PSMD1: variants seen among roughly 807,000 people sequenced by gnomAD.
The protein encoded by PSMD1 is proteasome 26S subunit, non-ATPase 1, also known as 26S proteasome non-ATPase regulatory subunit 1.
Under a neutral mutation model 119.0 loss-of-function variants are expected in PSMD1, and 18 were observed. That is an observed-to-expected ratio of 0.15 (90% CI 0.10 to 0.22). PSMD1 has a LOEUF of 0.22. Ranked by LOEUF, PSMD1 falls within the 10% of genes least tolerant of loss-of-function variation. The pLI is 1.00. For synonymous variants in PSMD1, 374 were observed against 396.6 expected (o/e 0.94, Z 0.68); for missense variants, 702 against 1,158.5 (o/e 0.61, Z 5.72).
chr2:231,109,143 G>T (rs1297219758), intron 16 of PSMD1: 1 of 1,614,130 alleles, frequency 6.2e-7, no homozygotes, highest in South Asian at 1.1e-5. Context: ...GACGAGCAAG[G>T]TGTTTCATCC....
At chr2:231,062,177 C>T in intron 2 of PSMD1, 71 bp from the exon 3 acceptor site, 1 of 1,008,882 alleles carries the variant, frequency 9.9e-7, no homozygotes, top group Non-Finnish European at 1.5e-6. Context: ...CATTGATTTG[C>T]TGAAAAGAAT....
At chr2:231,145,877 G>C (rs1696239544) in intron 17 of PSMD1, among the ~76,000 whole-genome samples, 1 of 103,658 alleles carries the variant, frequency 9.6e-6, no homozygotes, top group Non-Finnish European at 1.7e-5. Context: ...TGGGTGACAA[G>C]AGTTGAAGCT....
chr2:231,132,606 C>T (rs1037002022), intron 16 of PSMD1, among the ~76,000 whole-genome samples: 1 of 152,008 alleles, frequency 6.6e-6, no homozygotes, highest in Admixed American at 6.6e-5. Flanking sequence ...ACCACTCCAC[C>T]GACTCTCCCC....
rs777756971 is a variant in PSMD1 at position 231,077,089 on chromosome 2, T to C, written c.998T>C (p.Met333Thr). The change falls in exon 9 of 25, where the codon ATG (methionine) becomes ACG (threonine). Residue 333 changes from methionine to threonine, a missense_variant. Transcript: ENST00000308696. ...LKMIKILSGE[M>T]AIELHLQFLI... is the part of the protein sequence containing the mutation. The stretch of plus-strand genomic sequence containing the variant: ...ATGATTAAAATTTTAAGTGGTGAAA[T>C]GGCTATTGAGTTACATCTGCAGTTC... 4 of 1,604,990 alleles carry C rather than the reference T, an allele frequency of 2.5e-6. No homozygotes were observed. The highest frequency in any genetic ancestry group is 2.6e-6 in the Non-Finnish European group (3 of 1,174,164).
chr2:231,172,280 A>G (rs747833352), intron 24 of PSMD1, among the ~76,000 whole-genome samples: 2 of 152,294 alleles, frequency 1.3e-5, no homozygotes, highest in East Asian at 3.9e-4. Flanking sequence ...CTTTCAAGGC[A>G]GTTAATTACA....
rs113048445 is a variant in PSMD1 at position 231,058,912 on chromosome 2, A to C, written c.16+1871A>C. Among the ~76,000 whole-genome samples, 1,266 of 152,088 alleles carry C rather than the reference A, an allele frequency of 8.3e-3. 26 individuals carry two copies. The highest frequency in any genetic ancestry group is 0.029 in the African/African-American group (1,220 of 41,440). Reference sequence around the variant, plus strand: ...AACACGCTTACTCTCCCTCCACCACAGCTCTGTAATTGCCTTGTTTGTTTA... The same window carrying C: ...AACACGCTTACTCTCCCTCCACCACCGCTCTGTAATTGCCTTGTTTGTTTA... On this transcript the variant is annotated intron_variant, in intron 1 of 24. Transcript: ENST00000308696.
At chr2:231,133,088 T>G (rs1205426861) in intron 16 of PSMD1, among the ~76,000 whole-genome samples, 1 of 152,216 alleles carries the variant, frequency 6.6e-6, no homozygotes, top group Non-Finnish European at 1.5e-5. Flanking sequence ...CAATAGGCAC[T>G]TAGAATTTCA....
intron 16 of PSMD1, among the ~76,000 whole-genome samples, chr2:231,127,712 A>T (rs946373578): frequency 1.3e-5 from 2 of 152,236 alleles, no homozygotes; most frequent in Non-Finnish European, 1.5e-5. Flanking sequence ...ACTTCTGTGT[A>T]CTTAAGAAAA....
intron 16 of PSMD1, chr2:231,123,896 TAA>T: frequency 3.5e-6 from 2 of 564,836 alleles, no homozygotes; most frequent in Non-Finnish European, 6.4e-6. Context: ...CACCTTCCTT[TAA>T]AAAAAAAAAT....
At chr2:231,117,184 A>G (rs1464013851) in intron 16 of PSMD1, among the ~76,000 whole-genome samples, 1 of 152,084 alleles carries the variant, frequency 6.6e-6, no homozygotes, top group Non-Finnish European at 1.5e-5. Context: ...TTAAGTTGGT[A>G]TGGTGAAATA....
At chr2:231,072,835 A>T (rs1694072446) in intron 7 of PSMD1, among the ~76,000 whole-genome samples, 1 of 152,144 alleles carries the variant, frequency 6.6e-6, no homozygotes, top group Admixed American at 6.5e-5. Context: ...TAGTATTAGA[A>T]ATTTGCATTC....
rs775379162 is a variant in PSMD1, at chr2:231,078,643, G to A, written c.1072-16G>A. ...ACTTTGCCAGTGATGAAACAATTCT[G>A]TATTTGTTGTTGCAGGATGCAGTAC... is the stretch of plus-strand genomic sequence containing the variant. On this transcript the variant is annotated splice_polypyrimidine_tract_variant and intron_variant, in intron 9 of 24. Transcript: ENST00000308696. 1.9e-6 allele frequency: 3 copies of A among 1,588,646 alleles called. No individual in the cohort carries two copies. The highest frequency in any genetic ancestry group is 2.7e-5 in the African/African-American group (2 of 73,488).
intron 1 of PSMD1, among the ~76,000 whole-genome samples, chr2:231,059,346 G>A (rs1258889974): frequency 5.3e-5 from 8 of 152,132 alleles, no homozygotes; most frequent in Admixed American, 5.2e-4. Context: ...TGCTAAACAG[G>A]CTAGTCTCAT....
At chr2:231,151,211 T>C (rs1043314200) in intron 18 of PSMD1, among the ~76,000 whole-genome samples, 1 of 152,092 alleles carries the variant, frequency 6.6e-6, no homozygotes, top group African/African-American at 2.4e-5. Flanking sequence ...TTCATAACAA[T>C]GAAATTGAGT....
At chr2:231,086,299 C>T (rs1265792958) in intron 15 of PSMD1, among the ~76,000 whole-genome samples, 1 of 152,198 alleles carries the variant, frequency 6.6e-6, no homozygotes, top group Non-Finnish European at 1.5e-5. Flanking sequence ...CTGTTTTGGC[C>T]TCTCAAAAGT....
chr2:231,116,292 A>G (rs1001307534), intron 16 of PSMD1, among the ~76,000 whole-genome samples: 1 of 152,154 alleles, frequency 6.6e-6, no homozygotes, highest in Non-Finnish European at 1.5e-5. Flanking sequence ...TTCTAGATTT[A>G]GGACTGTAAG....
At chr2:231,136,937 ATATATAT>A (rs1695979505) in intron 16 of PSMD1, among the ~76,000 whole-genome samples, 1 of 144,870 alleles carries the variant, frequency 6.9e-6, no homozygotes, top group Non-Finnish European at 1.5e-5. Flanking sequence ...TATATATATA[ATATATAT>A]TATATTTACA....
intron 19 of PSMD1, among the ~76,000 whole-genome samples, chr2:231,157,332 TA>T (rs1282701861): frequency 6.6e-6 from 1 of 151,276 alleles, no homozygotes; most frequent in Non-Finnish European, 1.5e-5. Context: ...TAGGGGAGGA[TA>T]ATTCTATGTT....
chr2:231,086,249 G>T (rs932469734), intron 15 of PSMD1, among the ~76,000 whole-genome samples: 2 of 152,118 alleles, frequency 1.3e-5, no homozygotes, highest in African/African-American at 4.8e-5. Context: ...TCGCTGTGTT[G>T]CCTAGGCAGA....
Sources: gnomAD v4.1 joint callset for allele counts (sites outside exome capture counted in the v4.1 genomes callset) on GRCh38, gnomAD v4.1.1 for gene constraint, MANE v1.5 for transcripts, NCBI Gene and HGNC (gene_info 2026-07-23, HGNC 2026-07-21) for gene names.